TRIM35: variants seen among roughly 807,000 people sequenced by gnomAD.
TRIM35 encodes E3 ubiquitin-protein ligase TRIM35.
TRIM35 carries 37 observed loss-of-function variants against 49.1 expected under a neutral mutation model. That is an observed-to-expected ratio of 0.75 (90% CI 0.58 to 0.99). TRIM35 has a LOEUF of 0.99. Ranked by LOEUF, TRIM35 falls within the 50% of genes least tolerant of loss-of-function variation. TRIM35 has a pLI of 0.00. For synonymous variants in TRIM35, 302 were observed against 289.3 expected (o/e 1.04, Z -0.45); for missense variants, 648 against 702.7 (o/e 0.92, Z 0.88).
Position 27,287,620 on chromosome 8 carries a change from C to A in TRIM35, c.1412G>T (p.Gly471Val), listed in dbSNP as rs1269853646. The change falls in exon 6 of 6, where the codon GGC (glycine) becomes GTC (valine). Residue 471 changes from glycine (G) to valine (V), a missense_variant. Transcript: ENST00000305364. The surrounding 1 kb of genome is among the most constrained non-coding windows in gnomAD (Gnocchi z 6.0). ...GCGCAAAGGCTCTGGAGGCCCGGCG[C>A]CCCGTGCACCCCCCAGGTAGAAGTA... Reference protein sequence around the residue: ...RPYFYLGGARGAGPPEPLRIC... With the variant: ...RPYFYLGGARVAGPPEPLRIC... The A allele has an allele frequency of 6.2e-7, 1 of 1,607,026 alleles. No individual in the cohort carries two copies. Among genetic ancestry groups the A allele is most frequent in the South Asian group, 1.1e-5 (1 of 89,772 alleles).
chr8:27,294,081 A>G lies in TRIM35; in HGVS notation c.761T>C (p.Met254Thr), dbSNP rs1343550219. The G allele has an allele frequency of 7.4e-6, 12 of 1,613,800 alleles. No homozygotes were observed. Among genetic ancestry groups the G allele is most frequent in the Admixed American group, 1.7e-5 (1 of 59,990 alleles). ...EMKEDDVSFL[M>T]KHKSRKRRLF... ...GAATCCAGACGCTGAGCTCCTTACC[A>G]TGAGAAAAGAAACGTCGTCCTCCTT... The change falls in exon 3 of 6, where the codon ATG becomes ACG. Residue 254 changes from methionine (M) to threonine (T), a missense_variant and splice_region_variant. By Grantham distance (81) the Met-to-Thr change is moderately conservative. Coordinates refer to ENST00000305364, the MANE Select transcript of TRIM35 (RefSeq NM_171982.5).
chr8:27,310,155 T>C (rs1802889710), intron 1 of TRIM35, among the ~76,000 whole-genome samples: 1 of 152,212 alleles, frequency 6.6e-6, no homozygotes, highest in Non-Finnish European at 1.5e-5. Context: ...CTAACCCTTA[T>C]CTTCTATTCA....
chr8:27,309,228 C>T (rs150214232), intron 1 of TRIM35, among the ~76,000 whole-genome samples: 2 of 152,220 alleles, frequency 1.3e-5, no homozygotes, highest in Admixed American at 6.5e-5. Flanking sequence ...GCCAAATAGG[C>T]ATCAGTCATG....
At chr8:27,289,340 G>T in intron 4 of TRIM35, 60 bp from the exon 5 acceptor site, 1 of 1,401,556 alleles carries the variant, frequency 7.1e-7, no homozygotes, top group South Asian at 1.2e-5. Flanking sequence ...GGGCCGAACT[G>T]GGCCAACTGG....
At chr8:27,309,425 C>T (rs972355371) in intron 1 of TRIM35, among the ~76,000 whole-genome samples, 6 of 152,214 alleles carry the variant, frequency 3.9e-5, no homozygotes, top group African/African-American at 1.2e-4. Flanking sequence ...TGCGTACTGA[C>T]AGCATCCTTA....
intron 2 of TRIM35, among the ~76,000 whole-genome samples, chr8:27,296,022 T>C (rs1475335833): frequency 2.6e-5 from 4 of 152,230 alleles, no homozygotes; most frequent in East Asian, 1.9e-4. Context: ...ATGACTATTA[T>C]GCTTGTGAAA....
At chr8:27,309,440 C>A (rs1325246872) in intron 1 of TRIM35, among the ~76,000 whole-genome samples, 1 of 152,172 alleles carries the variant, frequency 6.6e-6, no homozygotes, top group Non-Finnish European at 1.5e-5. Flanking sequence ...TCCTTACATT[C>A]CCCTTCAATT....
chr8:27,305,874 G>A (rs990387855), intron 1 of TRIM35, among the ~76,000 whole-genome samples: 24 of 152,182 alleles, frequency 1.6e-4, no homozygotes, highest in African/African-American at 5.1e-4. Flanking sequence ...GTCTCACACT[G>A]TTGCCCAGGC....
intron 4 of TRIM35, 36 bp from the exon 5 acceptor site, chr8:27,289,316 G>C (rs777692746): frequency 1.3e-6 from 2 of 1,583,020 alleles, no homozygotes; most frequent in Admixed American, 1.7e-5. Context: ...GGCAGGGCCA[G>C]AGCCATGCAA....
At chr8:27,294,014 C>A in intron 3 of TRIM35, 66 bp downstream of exon 3, 1 of 1,531,754 alleles carries the variant, frequency 6.5e-7, no homozygotes, top group African/African-American at 1.4e-5. Context: ...GGCTGGTGGG[C>A]TATGGCTCCC....
intron 1 of TRIM35, among the ~76,000 whole-genome samples, chr8:27,303,588 G>A (rs1309704740): frequency 6.6e-6 from 1 of 152,154 alleles, no homozygotes; most frequent in Non-Finnish European, 1.5e-5. Context: ...CAGTAGCAGG[G>A]GCCCACAACA....
chr8:27,297,549 G>C (rs1461136626), intron 2 of TRIM35, among the ~76,000 whole-genome samples: 1 of 152,172 alleles, frequency 6.6e-6, no homozygotes, highest in East Asian at 1.9e-4. Flanking sequence ...AACTCCTCTA[G>C]ATAACTGGCA....
intron 3 of TRIM35, among the ~76,000 whole-genome samples, chr8:27,293,556 A>G (rs1802498665): frequency 6.6e-6 from 1 of 152,066 alleles, no homozygotes; most frequent in Admixed American, 6.6e-5. Flanking sequence ...GAAAGAAGAG[A>G]CAGGAGCTGG....
rs114560692 is a variant in TRIM35, at chr8:27,301,238, C to A, written c.436-2679G>T. Among the ~76,000 whole-genome samples, 442 of 152,290 alleles carry A rather than the reference C, an allele frequency of 2.9e-3. 5 individuals carry two copies. Among genetic ancestry groups the A allele is most frequent in the African/African-American group, 9.5e-3 (394 of 41,556 alleles). ...TTCTATTTAATTCAATTATTTAATT[C>A]GAATTCTCCCTATAAGGTTAAGCAC... On this transcript the variant is annotated intron_variant, in intron 1 of 5. Transcript: ENST00000305364.
At position 27,298,387 on chromosome 8, in the gene TRIM35, G is replaced by A. The variant is rs572759482; in HGVS notation, c.531+77C>T. On this transcript the variant is annotated intron_variant, in intron 2 of 5. Coordinates refer to ENST00000305364, the MANE Select transcript of TRIM35 (RefSeq NM_171982.5). ...AGCGGGTTATGTGAGCCAAAGCCAC[G>A]GCTGACACATCTTCACTCCTCCCCA... The A allele has an allele frequency of 1.2e-4, 171 of 1,426,440 alleles. 1 individual carries two copies. The highest frequency in any genetic ancestry group is 1.6e-4 in the Non-Finnish European group (159 of 1,014,688). 88.4% of individuals were successfully genotyped at this position (1,426,440 alleles called of 1,614,324 possible).
rs140020666 is a variant in TRIM35, at chr8:27,303,079, A to G, written c.436-4520T>C. ...TGCTGTAAGTTTTTTTGCTAGATAT[A>G]CTTAATCAAACTAATGAAATTCCTT... On this transcript the variant is annotated intron_variant, in intron 1 of 5. Transcript: ENST00000305364. Among the ~76,000 whole-genome samples, 763 of 152,310 alleles carry G rather than the reference A, an allele frequency of 5.0e-3. 9 individuals carry two copies. The highest frequency in any genetic ancestry group is 0.018 in the African/African-American group (739 of 41,570).
chr8:27,304,075 CATG>C (rs1802733897), intron 1 of TRIM35, among the ~76,000 whole-genome samples: 1 of 152,218 alleles, frequency 6.6e-6, no homozygotes, highest in African/African-American at 2.4e-5. Context: ...ATATAGACTA[CATG>C]ATTTCCCAAA....
At chr8:27,289,920 G>A (rs1044953109) in intron 4 of TRIM35, among the ~76,000 whole-genome samples, 6 of 152,100 alleles carry the variant, frequency 3.9e-5, no homozygotes, top group African/African-American at 1.4e-4. Flanking sequence ...GGCAGGTGGG[G>A]ACCCTCCACA....
chr8:27,298,163 C>T (rs1802607926), intron 2 of TRIM35, among the ~76,000 whole-genome samples: 1 of 152,168 alleles, frequency 6.6e-6, no homozygotes, highest in African/African-American at 2.4e-5. Flanking sequence ...AGTCCCAGGT[C>T]ATCATTGAAC....
Sources: allele counts gnomAD v4.1 joint callset (sites outside exome capture counted in the v4.1 genomes callset), GRCh38; gene constraint gnomAD v4.1.1; non-coding constraint Gnocchi (gnomAD v3.1); transcripts MANE v1.5; gene names NCBI Gene and HGNC (gene_info 2026-07-23, HGNC 2026-07-21).